Variants in MYBL2 observed in about 807,000 individuals in gnomAD.
The protein encoded by MYBL2 is myb-related protein B.
A neutral mutation model predicts 79.9 loss-of-function variants in MYBL2; 28 were observed. That is an observed-to-expected ratio of 0.35 (90% CI 0.26 to 0.48). The LOEUF (loss-of-function observed/expected upper bound fraction) is 0.48, where lower values mean the gene tolerates loss of function less well. Ranked by LOEUF, MYBL2 falls within the 20% of genes least tolerant of loss-of-function variation. The probability of loss-of-function intolerance (pLI) is 0.99; values close to 1 mark genes in which losing one functional copy is unlikely to be tolerated. For synonymous variants in MYBL2, 378 were observed against 361.2 expected (o/e 1.05, Z -0.53); for missense variants, 735 against 893.9 (o/e 0.82, Z 2.27).
chr20:43,703,286 G>A (rs1987713197), intron 8 of MYBL2, among the ~76,000 whole-genome samples: 1 of 152,230 alleles, frequency 6.6e-6, no homozygotes, highest in African/African-American at 2.4e-5. Flanking sequence ...AGCACTGGCT[G>A]GCCCTGCCTG....
rs1018873802 is a variant in MYBL2, at chr20:43,667,278, G to T, written c.-6G>T. 8.2e-7 allele frequency: 1 copy of T among 1,225,138 alleles called. No individual in the cohort carries two copies. The highest frequency in any genetic ancestry group is 1.0e-6 in the Non-Finnish European group (1 of 983,294). The allele number at this position is 1,225,138 out of a possible 1,614,324, so 75.9% of individuals were successfully genotyped here. A position where few individuals can be genotyped will look rare whatever the true frequency, so the allele number is the denominator to read the frequency against. ...GGGCGAGCGCGGCGCGGTCCGGGCC[G>T]GGGGGATGTCTCGGCGGACGCGCTG... On this transcript the variant is annotated 5_prime_UTR_variant, in exon 1 of 14. Coordinates refer to ENST00000217026, the MANE Select transcript of MYBL2 (RefSeq NM_002466.4).
At chr20:43,674,067 G>T (rs1003785736) in intron 2 of MYBL2, among the ~76,000 whole-genome samples, 168 bp downstream of exon 2, 2 of 152,072 alleles carry the variant, frequency 1.3e-5, no homozygotes, top group African/African-American at 4.8e-5. Context: ...CATTCTGGGG[G>T]ATTCTCAATT....
chr20:43,705,391 C>A (rs1568875022), intron 9 of MYBL2, 33 bp downstream of exon 9: 1 of 1,568,410 alleles, frequency 6.4e-7, no homozygotes. Flanking sequence ...CCTTCGCCGT[C>A]CTCTCCCTCA....
At chr20:43,713,243 A>G (rs542103476) in intron 12 of MYBL2, 137 bp downstream of exon 12, 4 of 633,326 alleles carry the variant, frequency 6.3e-6, no homozygotes, top group Non-Finnish European at 8.5e-6. Flanking sequence ...GGGTCCGGGC[A>G]CCCACTCATG....
chr20:43,681,247 T>A (rs1011670603), intron 2 of MYBL2, among the ~76,000 whole-genome samples: 13 of 152,172 alleles, frequency 8.5e-5, no homozygotes, highest in African/African-American at 2.9e-4. Flanking sequence ...GACCTCCTTA[T>A]GTCCGCTCGG....
At chr20:43,689,189 A>T (rs1315580253) in intron 5 of MYBL2, among the ~76,000 whole-genome samples, 1 of 152,080 alleles carries the variant, frequency 6.6e-6, no homozygotes, top group African/African-American at 2.4e-5. Context: ...TGTCCTTGTG[A>T]ATTTTTGCCT....
At chr20:43,673,737 C>T (rs759901838) in intron 1 of MYBL2, 69 bp from the exon 2 acceptor site, 3 of 1,498,364 alleles carry the variant, frequency 2.0e-6, no homozygotes, top group Non-Finnish European at 2.8e-6. Context: ...TGGCCGCTGC[C>T]TACACGTTCT....
Position 43,710,101 on chromosome 20 carries a change from G to A in MYBL2, c.1605+39G>A, listed in dbSNP as rs371209595. On this transcript the variant is annotated intron_variant, in intron 10 of 13. Coordinates refer to ENST00000217026, the MANE Select transcript of MYBL2 (RefSeq NM_002466.4). Reference sequence around the variant, plus strand: ...TCGCTGCCGTGGATCTCTGCACAGTGGGATCCCTTCGGTTCATCCAACCAT... The same window carrying A: ...TCGCTGCCGTGGATCTCTGCACAGTAGGATCCCTTCGGTTCATCCAACCAT... 1.7e-5 allele frequency: 26 copies of A among 1,510,806 alleles called. No individual in the cohort carries two copies. The African/African-American group carries it at 2.2e-4, about 13-fold the overall frequency. 93.6% of individuals were successfully genotyped at this position (1,510,806 alleles called of 1,614,324 possible). A position where few individuals can be genotyped will look rare whatever the true frequency, so the allele number is the denominator to read the frequency against.
rs1422198868 is a variant in MYBL2 at position 43,692,205 on chromosome 20, G to A, written c.549G>A (p.Lys183=). 2.5e-6 allele frequency: 4 copies of A among 1,614,168 alleles called. No homozygotes were observed. Among genetic ancestry groups the A allele is most frequent in the South Asian group, 1.1e-5 (1 of 91,084 alleles). The change falls in exon 6 of 14, where the codon AAG becomes AAA. Residue 183 remains lysine, a synonymous_variant. Coordinates refer to ENST00000217026, the MANE Select transcript of MYBL2 (RefSeq NM_002466.4). ...ACTGGAACTCTACCATCAAAAGGAA[G>A]GTGGACACAGGAGGCTTCTTGAGCG... is the stretch of plus-strand genomic sequence containing the variant. ...KNHWNSTIKR[K]VDTGGFLSES...
chr20:43,678,084 TAAACAGAC>T (rs899997011), intron 2 of MYBL2, among the ~76,000 whole-genome samples: 96 of 150,488 alleles, frequency 6.4e-4, no homozygotes, highest in African/African-American at 2.4e-3. Flanking sequence ...TGTGCTTTGT[TAAACAGAC>T]GCTTGAAGGC....
intron 13 of MYBL2, 36 bp from the exon 14 acceptor site, chr20:43,715,923 C>T (rs1176275297): frequency 1.3e-6 from 2 of 1,592,014 alleles, no homozygotes; most frequent in African/African-American, 2.7e-5. Flanking sequence ...AACACATAGT[C>T]CCTGCCTGGA....
At chr20:43,671,765 T>A (rs1470142753) in intron 1 of MYBL2, among the ~76,000 whole-genome samples, 1 of 151,022 alleles carries the variant, frequency 6.6e-6, no homozygotes, top group Non-Finnish European at 1.5e-5. Flanking sequence ...CCACCACACC[T>A]GGCCCGATTT....
At chr20:43,690,276 G>A (rs767207206) in intron 5 of MYBL2, among the ~76,000 whole-genome samples, 2 of 151,730 alleles carry the variant, frequency 1.3e-5, no homozygotes, top group Non-Finnish European at 2.9e-5. Context: ...CGTGACCTCA[G>A]CTCACTGCAA....
intron 1 of MYBL2, among the ~76,000 whole-genome samples, chr20:43,669,212 G>C (rs1986802127): frequency 6.6e-6 from 1 of 152,138 alleles, no homozygotes; most frequent in South Asian, 2.1e-4. Flanking sequence ...ATGTTACCCA[G>C]GCTGGTCTCG....
At chr20:43,693,218 G>C (rs774693992) in intron 6 of MYBL2, among the ~76,000 whole-genome samples, 3 of 152,146 alleles carry the variant, frequency 2.0e-5, no homozygotes, top group Non-Finnish European at 4.4e-5. Flanking sequence ...TTTTAGTAGA[G>C]ATGGGGTTTC....
intron 4 of MYBL2, among the ~76,000 whole-genome samples, chr20:43,686,424 T>C (rs1286181290): frequency 1.3e-5 from 2 of 152,160 alleles, no homozygotes; most frequent in Non-Finnish European, 2.9e-5. Flanking sequence ...TGTGGCAGCC[T>C]GGGGCCTGGC....
At chr20:43,714,680 T>C (rs1156642960) in intron 12 of MYBL2, among the ~76,000 whole-genome samples, 1 of 152,198 alleles carries the variant, frequency 6.6e-6, no homozygotes, top group African/African-American at 2.4e-5. Context: ...CAGGCTGGAA[T>C]GCAGTGGTGC....
chr20:43,677,644 C>A (rs953441676), intron 2 of MYBL2, among the ~76,000 whole-genome samples: 1 of 151,968 alleles, frequency 6.6e-6, no homozygotes, highest in African/African-American at 2.4e-5. Flanking sequence ...GTGAGGAGCC[C>A]CTCTGCCTGG....
chr20:43,689,113 G>A (rs1218382258), intron 5 of MYBL2, among the ~76,000 whole-genome samples: 2 of 151,918 alleles, frequency 1.3e-5, no homozygotes, highest in Admixed American at 6.6e-5. Flanking sequence ...TTGTTCCCCT[G>A]TTTTCCATCT....
Sources: gnomAD v4.1 joint callset for allele counts (sites outside exome capture counted in the v4.1 genomes callset) on GRCh38, gnomAD v4.1.1 for gene constraint, MANE v1.5 for transcripts, NCBI Gene and HGNC (gene_info 2026-07-23, HGNC 2026-07-21) for gene names.